Variants in SH3BGRL2 observed in about 807,000 individuals in gnomAD.
SH3BGRL2 encodes SH3 domain binding glutamate rich protein like 2.
In SH3BGRL2, 21 loss-of-function variants were observed where a neutral mutation model predicts 14.8. That is an observed-to-expected ratio of 1.42 (90% confidence interval 1.01 to 2.05). The LOEUF is 2.05. Among genes scored for constraint, SH3BGRL2 ranks in the 30% most tolerant of loss-of-function variants. The pLI is 0.00. For missense variants in SH3BGRL2, 147 were observed against 130.8 expected (o/e 1.12, Z -0.61); for synonymous variants, 50 against 47.8 (o/e 1.05, Z -0.19).
At chr6:79,574,338 T>C in the SH3BGRL2 span, 5 of 152,208 alleles carry the variant, frequency 3.3e-5, no homozygotes, top group Non-Finnish European at 7.3e-5. Context: ...GATTCTCTGG[T>C]GCCTTCTCTC....
the SH3BGRL2 span, among the ~76,000 whole-genome samples, chr6:79,622,172 G>A: frequency 3.3e-5 from 5 of 152,270 alleles, no homozygotes; most frequent in South Asian, 4.1e-4. Context: ...GCAGCTGCAT[G>A]TATATCAATT....
chr6:79,555,126 A>G, the SH3BGRL2 span, among the ~76,000 whole-genome samples: 1 of 152,294 alleles, frequency 6.6e-6, no homozygotes, highest in South Asian at 2.1e-4. Context: ...GCTAATTGGC[A>G]TTTTAAAAAC....
intron 1 of SH3BGRL2, among the ~76,000 whole-genome samples, chr6:79,657,006 T>C (rs1769432927): frequency 6.6e-6 from 1 of 152,248 alleles, no homozygotes; most frequent in Admixed American, 6.5e-5. Flanking sequence ...TGAAGCCTGA[T>C]GAATTTGCAT....
At chr6:79,564,412 C>CT in the SH3BGRL2 span, among the ~76,000 whole-genome samples, 150,273 of 152,200 alleles carry the variant, frequency 0.99, 74,216 homozygotes, top group East Asian at 1. Context: ...GCAGTTTGTG[C>CT]TTTTTCCTTG....
intron 1 of SH3BGRL2, among the ~76,000 whole-genome samples, chr6:79,662,793 T>C (rs188808434): frequency 7.9e-5 from 12 of 152,334 alleles, no homozygotes; most frequent in African/African-American, 2.9e-4. Context: ...CAATCAAACG[T>C]AGATTTGGTC....
the SH3BGRL2 span, among the ~76,000 whole-genome samples, chr6:79,614,102 G>A: frequency 6.6e-6 from 1 of 152,090 alleles, no homozygotes. Context: ...AGTGAGAGAG[G>A]AGGAGCGCCC....
chr6:79,618,148 A>T, the SH3BGRL2 span, among the ~76,000 whole-genome samples: 1 of 152,214 alleles, frequency 6.6e-6, no homozygotes, highest in African/African-American at 2.4e-5. Flanking sequence ...ATTTCCTTTT[A>T]AAAAGCCAGG....
At chr6:79,637,594 G>A (rs1768951038) in intron 1 of SH3BGRL2, among the ~76,000 whole-genome samples, 2 of 151,876 alleles carry the variant, frequency 1.3e-5, no homozygotes, top group African/African-American at 4.8e-5. Context: ...CTGGGAGGCT[G>A]AAGCAGGAGA....
At chr6:79,589,945 T>G in the SH3BGRL2 span, among the ~76,000 whole-genome samples, 5 of 150,356 alleles carry the variant, frequency 3.3e-5, no homozygotes, top group Non-Finnish European at 5.9e-5. Context: ...CTAATTTTTG[T>G]TTTTTTTTGT....
intron 2 of SH3BGRL2, among the ~76,000 whole-genome samples, chr6:79,694,785 A>G (rs1582741666): frequency 6.6e-6 from 1 of 151,934 alleles, no homozygotes; most frequent in South Asian, 2.1e-4. Context: ...GATCACTTCT[A>G]CCCCCAAAAT....
At chr6:79,553,564 CT>C in the SH3BGRL2 span, among the ~76,000 whole-genome samples, 2 of 152,264 alleles carry the variant, frequency 1.3e-5, no homozygotes, top group South Asian at 4.1e-4. Context: ...TCTTGCAGCC[CT>C]AATGAACAGA....
chr6:79,614,821 A>G, the SH3BGRL2 span, among the ~76,000 whole-genome samples: 4 of 152,126 alleles, frequency 2.6e-5, no homozygotes, highest in African/African-American at 9.7e-5. Flanking sequence ...TAGTTTCAGA[A>G]AGGACTGAGA....
At chr6:79,564,992 G>A in the SH3BGRL2 span, among the ~76,000 whole-genome samples, 7 of 152,134 alleles carry the variant, frequency 4.6e-5, no homozygotes, top group South Asian at 6.2e-4. Flanking sequence ...AGAAGAACAC[G>A]GAAGAAATGG....
intron 1 of SH3BGRL2, among the ~76,000 whole-genome samples, chr6:79,670,376 C>T (rs1049346222): frequency 1.3e-5 from 2 of 152,204 alleles, no homozygotes; most frequent in Non-Finnish European, 2.9e-5. Flanking sequence ...GTGAAATGCA[C>T]TCTTCGTCCT....
At position 79,699,573 on chromosome 6, in the gene SH3BGRL2, G is replaced by C. The variant is rs555312070; in HGVS notation, c.*64G>C. On this transcript the variant is annotated 3_prime_UTR_variant, in exon 4 of 4. Coordinates refer to ENST00000369838, the MANE Select transcript of SH3BGRL2 (RefSeq NM_031469.4). ...CACCCCTGGTACTCAGCACACACAT[G>C]CTTACCTAATGCATCACTGTGACAA... 4.1e-6 allele frequency: 6 copies of C among 1,456,296 alleles called. No homozygotes were observed. The South Asian group carries it at 9.1e-5, about 22-fold the overall frequency. 90.2% of individuals were successfully genotyped at this position (1,456,296 alleles called of 1,614,324 possible).
chr6:79,660,673 T>C (rs1213247257), intron 1 of SH3BGRL2, among the ~76,000 whole-genome samples: 1 of 152,218 alleles, frequency 6.6e-6, no homozygotes, highest in Non-Finnish European at 1.5e-5. Flanking sequence ...TAGGGAGGAT[T>C]CCGTCTTTTT....
the SH3BGRL2 span, among the ~76,000 whole-genome samples, chr6:79,557,583 AG>A: frequency 1.3e-5 from 2 of 152,218 alleles, no homozygotes; most frequent in Admixed American, 1.3e-4. Flanking sequence ...CTATTCCACT[AG>A]GAATGTTCCC....
the SH3BGRL2 span, among the ~76,000 whole-genome samples, chr6:79,597,153 C>T: frequency 2.6e-5 from 4 of 151,822 alleles, no homozygotes; most frequent in African/African-American, 9.7e-5. Context: ...TCGCTTGAAC[C>T]AGGTAGGTGG....
intron 1 of SH3BGRL2, among the ~76,000 whole-genome samples, chr6:79,652,897 A>G (rs980164226): frequency 3.3e-5 from 5 of 152,192 alleles, no homozygotes; most frequent in Admixed American, 2.0e-4. Flanking sequence ...TTCAAGTATT[A>G]ACACTTAATA....
Sources: gnomAD v4.1 joint callset for allele counts (sites outside exome capture counted in the v4.1 genomes callset) on GRCh38, gnomAD v4.1.1 for gene constraint, MANE v1.5 for transcripts, NCBI Gene and HGNC (gene_info 2026-07-23, HGNC 2026-07-21) for gene names.